The following PLPPR5 variants were observed in gnomAD, a reference collection of about 807,000 sequenced individuals.
PLPPR5 encodes the protein phospholipid phosphatase related 5.
PLPPR5 carries 16 observed loss-of-function variants against 33.9 expected under a neutral mutation model. The observed-to-expected ratio is 0.47, with a 90% confidence interval of 0.32 to 0.72. The LOEUF (loss-of-function observed/expected upper bound fraction) is 0.72. Among genes scored for constraint, PLPPR5 ranks in the 30% least tolerant of loss-of-function variants. PLPPR5 has a pLI of 0.03. For missense variants in PLPPR5, 301 were observed against 406.7 expected (o/e 0.74, Z 2.23); for synonymous variants, 163 against 150.3 (o/e 1.08, Z -0.62).
At chr1:98,929,754 CT>C (rs756896536) in intron 3 of PLPPR5, among the ~76,000 whole-genome samples, 19 of 152,200 alleles carry the variant, frequency 1.2e-4, no homozygotes, top group East Asian at 1.9e-4. Flanking sequence ...TGACTCCCCC[CT>C]GACCCAATAA....
chr1:98,939,685 G>C (rs1650302415), intron 3 of PLPPR5, among the ~76,000 whole-genome samples: 4 of 151,946 alleles, frequency 2.6e-5, no homozygotes, highest in African/African-American at 9.7e-5. Flanking sequence ...AGCCACAGTG[G>C]TGGCAGTGCA....
chr1:99,002,499 A>G (rs1652887633), intron 1 of PLPPR5, among the ~76,000 whole-genome samples: 1 of 152,032 alleles, frequency 6.6e-6, no homozygotes, highest in Admixed American at 6.5e-5. Context: ...TATTATCTGA[A>G]CCTCACTTTC....
intron 5 of PLPPR5, among the ~76,000 whole-genome samples, chr1:98,910,645 T>C (rs111966414): frequency 0.018 from 2,689 of 152,310 alleles, 87 homozygotes; most frequent in African/African-American, 0.061. Context: ...GGGTAGCAGA[T>C]GGCCAGATCC....
At chr1:98,987,872 T>C (rs2100757837) in intron 1 of PLPPR5, among the ~76,000 whole-genome samples, 1 of 152,198 alleles carries the variant, frequency 6.6e-6, no homozygotes, top group African/African-American at 2.4e-5. Context: ...ATGTTTTTTC[T>C]CTTAAGCTAC....
chr1:99,001,651 A>C (rs1429138604), intron 1 of PLPPR5, among the ~76,000 whole-genome samples: 3 of 139,280 alleles, frequency 2.2e-5, no homozygotes, highest in African/African-American at 7.9e-5. Flanking sequence ...CAAGAACTAG[A>C]AATGAGTTTG....
intron 3 of PLPPR5, among the ~76,000 whole-genome samples, chr1:98,934,885 G>A (rs1650119288): frequency 6.6e-6 from 1 of 152,076 alleles, no homozygotes; most frequent in Non-Finnish European, 1.5e-5. Context: ...TTTTTGAGGT[G>A]TTTGTATAAA....
At chr1:98,943,021 A>G (rs1210923421) in intron 3 of PLPPR5, among the ~76,000 whole-genome samples, 1 of 152,246 alleles carries the variant, frequency 6.6e-6, no homozygotes, top group Non-Finnish European at 1.5e-5. Context: ...CCCAATTGTC[A>G]TAACAATGCA....
intron 1 of PLPPR5, among the ~76,000 whole-genome samples, chr1:98,987,301 G>C (rs1652294486): frequency 6.6e-6 from 1 of 151,648 alleles, no homozygotes; most frequent in African/African-American, 2.4e-5. Flanking sequence ...AAATTATATG[G>C]GAAGCACTTT....
intron 5 of PLPPR5, among the ~76,000 whole-genome samples, chr1:98,906,732 G>A (rs576187693): frequency 1.6e-3 from 245 of 152,228 alleles, no homozygotes; most frequent in African/African-American, 5.5e-3. Context: ...AAATTTCACT[G>A]AGAAACATCT....
chr1:98,956,516 T>C lies in PLPPR5; in HGVS notation c.370+93A>G, dbSNP rs929443377. ...ATTTCAAAGAAAAAAACCCCTAATA[T>C]TTGCAAACAGTTAACATGTGGGTTA... On this transcript the variant is annotated intron_variant, in intron 2 of 5. Transcript: ENST00000263177. 12 of 1,257,164 alleles carry C rather than the reference T, an allele frequency of 9.5e-6. No individual in the cohort carries two copies. In the African/African-American group the frequency reaches 1.9e-4, roughly 20 times the overall value. The allele number at this position is 1,257,164 out of a possible 1,614,324, so 77.9% of individuals were successfully genotyped here. A position where few individuals can be genotyped will look rare whatever the true frequency, so the allele number is the denominator to read the frequency against.
intron 1 of PLPPR5, among the ~76,000 whole-genome samples, chr1:99,000,510 GAAAC>G (rs1652797848): frequency 6.6e-6 from 1 of 152,150 alleles, no homozygotes; most frequent in African/African-American, 2.4e-5. Context: ...ACCACTCTTA[GAAAC>G]AAACAAACCA....
chr1:98,941,989 C>G (rs1557677692), intron 3 of PLPPR5, among the ~76,000 whole-genome samples: 3 of 47,260 alleles, frequency 6.3e-5, no homozygotes, highest in African/African-American at 1.7e-4. Context: ...TATATGTATA[C>G]GTATATATAT....
intron 1 of PLPPR5, among the ~76,000 whole-genome samples, chr1:98,983,981 T>C (rs1230463680): frequency 6.6e-6 from 1 of 151,308 alleles, no homozygotes; most frequent in Non-Finnish European, 1.5e-5. Flanking sequence ...GTAATTTGAA[T>C]TCTATTCTCT....
At chr1:98,989,770 G>GT in intron 1 of PLPPR5, among the ~76,000 whole-genome samples, 1 of 152,152 alleles carries the variant, frequency 6.6e-6, no homozygotes. Context: ...TTTGACCTGT[G>GT]TAAGAGAAGT....
intron 1 of PLPPR5, among the ~76,000 whole-genome samples, chr1:98,976,773 A>G (rs1651875893): frequency 1.3e-5 from 2 of 152,192 alleles, no homozygotes; most frequent in South Asian, 4.1e-4. Flanking sequence ...TTTTGCATAT[A>G]TAGAGTTAGT....
chr1:98,943,098 A>T (rs957681559), intron 3 of PLPPR5, among the ~76,000 whole-genome samples: 1 of 152,202 alleles, frequency 6.6e-6, no homozygotes, highest in East Asian at 1.9e-4. Flanking sequence ...TATAGAACAT[A>T]GCATCCCTTA....
intron 5 of PLPPR5, among the ~76,000 whole-genome samples, chr1:98,907,057 C>A (rs1472066609): frequency 6.6e-6 from 1 of 152,098 alleles, no homozygotes; most frequent in Non-Finnish European, 1.5e-5. Context: ...TTTAATCCCA[C>A]CACGGCATTA....
chr1:98,970,243 A>T (rs1213248919), intron 1 of PLPPR5, among the ~76,000 whole-genome samples: 1 of 152,112 alleles, frequency 6.6e-6, no homozygotes. Context: ...GAAAAGCATG[A>T]TTGAAACCCA....
chr1:98,947,592 A>G (rs1049312049), intron 3 of PLPPR5, among the ~76,000 whole-genome samples: 2 of 152,206 alleles, frequency 1.3e-5, no homozygotes, highest in South Asian at 2.1e-4. Flanking sequence ...TAAAGATTTA[A>G]AAAGTGTTTT....
Sources: allele counts gnomAD v4.1 joint callset (sites outside exome capture counted in the v4.1 genomes callset), GRCh38; gene constraint gnomAD v4.1.1; transcripts MANE v1.5; gene names NCBI Gene and HGNC (gene_info 2026-07-23, HGNC 2026-07-21).